The following POMK variants were observed in gnomAD, a reference collection of about 807,000 sequenced individuals.
POMK encodes protein O-mannose kinase, also known as Sugen kinase 196.
Under a neutral mutation model 23.0 loss-of-function variants are expected in POMK, and 19 were observed. That is an observed-to-expected ratio of 0.83 (90% CI 0.58 to 1.21). The LOEUF (loss-of-function observed/expected upper bound fraction) is 1.21, where lower values mean the gene tolerates loss of function less well. Ranked by LOEUF, POMK falls within the 50% of genes most tolerant of loss-of-function variation. The probability of loss-of-function intolerance (pLI) is 0.00; values close to 1 mark genes in which losing one functional copy is unlikely to be tolerated. For synonymous variants in POMK, 173 were observed against 171.6 expected (o/e 1.01, Z -0.06); for missense variants, 410 against 431.3 (o/e 0.95, Z 0.44).
intron 2 of POMK, among the ~76,000 whole-genome samples, chr8:43,101,710 G>A (rs183416129): frequency 1.8e-4 from 27 of 152,286 alleles, no homozygotes; most frequent in Non-Finnish European, 2.8e-4. Context: ...GAAAGCATGG[G>A]ATGTTTTATC....
chr8:43,103,406 TC>T, intron 3 of POMK, 121 bp from the exon 4 acceptor site: 1 of 869,126 alleles, frequency 1.2e-6, no homozygotes, highest in Non-Finnish European at 1.8e-6. Context: ...CCTGCTTTAA[TC>T]CCCACGGTAA....
chr8:43,096,978 T>C (rs1811348276), intron 1 of POMK, among the ~76,000 whole-genome samples: 1 of 152,160 alleles, frequency 6.6e-6, no homozygotes, highest in Non-Finnish European at 1.5e-5. Flanking sequence ...AAGCGGAGTT[T>C]GGTAACCCAT....
chr8:43,109,662 C>T (rs1441714203), intron 4 of POMK, among the ~76,000 whole-genome samples: 1 of 152,134 alleles, frequency 6.6e-6, no homozygotes, highest in East Asian at 1.9e-4. Context: ...CCTGCCTCAG[C>T]CTCCCGAGTA....
chr8:43,119,865 TC>T (rs1303641979), intron 4 of POMK, among the ~76,000 whole-genome samples: 1 of 152,056 alleles, frequency 6.6e-6, no homozygotes, highest in Non-Finnish European at 1.5e-5. Flanking sequence ...ATAATGAACC[TC>T]CCTTCTTAGA....
chr8:43,111,739 C>T (rs982083351), intron 4 of POMK, among the ~76,000 whole-genome samples: 5 of 152,194 alleles, frequency 3.3e-5, no homozygotes, highest in Non-Finnish European at 5.9e-5. Context: ...GAGGAACGAT[C>T]GGGCAGCAGC....
chr8:43,097,269 C>T (rs1318122527), intron 1 of POMK, among the ~76,000 whole-genome samples: 3 of 152,148 alleles, frequency 2.0e-5, no homozygotes, highest in African/African-American at 7.2e-5. Context: ...TTGCATTTCT[C>T]CCAGGTTCCT....
chr8:43,112,121 G>A (rs1426910062), intron 4 of POMK, among the ~76,000 whole-genome samples: 1 of 152,172 alleles, frequency 6.6e-6, no homozygotes, highest in African/African-American at 2.4e-5. Context: ...ACTACTGCGA[G>A]CTAAAGGAGG....
rs755483340 is a variant in POMK at position 43,122,441 on chromosome 8, A to G, written c.617A>G (p.Asn206Ser). The G allele has an allele frequency of 1.2e-5, 19 of 1,614,044 alleles. No homozygotes were observed. The highest frequency in any genetic ancestry group is 4.0e-5 in the African/African-American group (3 of 74,932). ...GGCACACGGGTCATGTGCGACTCCA[A>G]CGACCTGCCGAAGACACTGTCCCAG... Reference protein sequence around the residue: ...PVGTRVMCDSNDLPKTLSQYL... With the variant: ...PVGTRVMCDSSDLPKTLSQYL... Residue 206 changes from asparagine (N) to serine (S), a missense_variant, in exon 5 of 5, where the codon AAC (asparagine) becomes AGC (serine). Transcript: ENST00000331373.
intron 4 of POMK, among the ~76,000 whole-genome samples, chr8:43,104,607 G>T (rs1381023610): frequency 6.6e-6 from 1 of 152,248 alleles, no homozygotes; most frequent in East Asian, 1.9e-4. Context: ...ATATAAAATT[G>T]TATAATTGAC....
chr8:43,106,721 A>G (rs1811551440), intron 4 of POMK, among the ~76,000 whole-genome samples: 1 of 150,442 alleles, frequency 6.6e-6, no homozygotes, highest in Non-Finnish European at 1.5e-5. Flanking sequence ...CTGGTCTTGA[A>G]CTCTTGACCT....
At chr8:43,102,788 G>A (rs774700848) in intron 3 of POMK, among the ~76,000 whole-genome samples, 188 bp downstream of exon 3, 34 of 152,112 alleles carry the variant, frequency 2.2e-4, no homozygotes, top group Non-Finnish European at 4.3e-4. Flanking sequence ...AGGCTTCTCC[G>A]CAGCCAGGCC....
intron 4 of POMK, among the ~76,000 whole-genome samples, chr8:43,112,035 T>C (rs1048302297): frequency 6.6e-6 from 1 of 152,126 alleles, no homozygotes; most frequent in Non-Finnish European, 1.5e-5. Context: ...GGAACGCAGC[T>C]CCTCACCAGC....
At chr8:43,116,657 C>A (rs1811805090) in intron 4 of POMK, among the ~76,000 whole-genome samples, 1 of 152,144 alleles carries the variant, frequency 6.6e-6, no homozygotes, top group African/African-American at 2.4e-5. Context: ...AGATTAGGGG[C>A]ACTGATCCCC....
At chr8:43,113,824 T>C (rs961437488) in intron 4 of POMK, among the ~76,000 whole-genome samples, 2 of 152,236 alleles carry the variant, frequency 1.3e-5, no homozygotes, top group African/African-American at 4.8e-5. Context: ...GTTTTCCTTC[T>C]AACAGACAGG....
chr8:43,121,976 C>T (rs1437554450), intron 4 of POMK, 131 bp from the exon 5 acceptor site: 23 of 860,264 alleles, frequency 2.7e-5, no homozygotes, highest in East Asian at 9.7e-5. Context: ...AGCAACTCTA[C>T]GATGGGGTCT....
intron 4 of POMK, among the ~76,000 whole-genome samples, chr8:43,111,880 C>CT (rs534550990): frequency 9.2e-5 from 14 of 152,188 alleles, no homozygotes; most frequent in Non-Finnish European, 1.9e-4. Flanking sequence ...AGAAGGAAAA[C>CT]TAACAAACAG....
chr8:43,122,926 A>G lies in POMK; in HGVS notation c.*49A>G. Reference sequence around the variant, plus strand: ...GGGATTGAAGGGCTGAATGGAAGTTACAGCATTCTACTCTGATGGTGGAGT... The same window carrying G: ...GGGATTGAAGGGCTGAATGGAAGTTGCAGCATTCTACTCTGATGGTGGAGT... On this transcript the variant is annotated 3_prime_UTR_variant, in exon 5 of 5. Transcript: ENST00000331373. 6.7e-7 allele frequency: 1 copy of G among 1,485,588 alleles called. No homozygotes were observed. The highest frequency in any genetic ancestry group is 9.1e-7 in the Non-Finnish European group (1 of 1,102,618). 92.0% of individuals were successfully genotyped at this position (1,485,588 alleles called of 1,614,324 possible). A position where few individuals can be genotyped will look rare whatever the true frequency, so the allele number is the denominator to read the frequency against.
chr8:43,095,626 A>G (rs370582941), intron 1 of POMK, among the ~76,000 whole-genome samples: 27 of 152,142 alleles, frequency 1.8e-4, no homozygotes, highest in African/African-American at 6.0e-4. Flanking sequence ...GGTCTGGTGA[A>G]TGACAAGCAG....
At chr8:43,102,344 C>T (rs755439907) in intron 2 of POMK, among the ~76,000 whole-genome samples, 161 bp from the exon 3 acceptor site, 1 of 152,218 alleles carries the variant, frequency 6.6e-6, no homozygotes, top group Non-Finnish European at 1.5e-5. Context: ...TGGGCTTCCC[C>T]ACGGCCCTGC....
Sources: allele counts gnomAD v4.1 joint callset (sites outside exome capture counted in the v4.1 genomes callset), GRCh38; gene constraint gnomAD v4.1.1; transcripts MANE v1.5; gene names NCBI Gene and HGNC (gene_info 2026-07-23, HGNC 2026-07-21).